Variants in SORCS1 observed in about 807,000 individuals in gnomAD.
SORCS1 encodes the protein VPS10 domain-containing receptor SorCS1.
SORCS1 carries 60 observed loss-of-function variants against 146.1 expected under a neutral mutation model. That is an observed-to-expected ratio of 0.41 (90% CI 0.33 to 0.51). The LOEUF (loss-of-function observed/expected upper bound fraction) is 0.51. SORCS1 is among the 20% of genes least tolerant of loss of function. The pLI is 0.21. For synonymous variants in SORCS1, 637 were observed against 584.0 expected (o/e 1.09, Z -1.31); for missense variants, 1,352 against 1,487.6 (o/e 0.91, Z 1.50).
chr10:107,114,884 TAATA>T (rs1269908686), intron 1 of SORCS1, among the ~76,000 whole-genome samples: 6 of 152,080 alleles, frequency 3.9e-5, no homozygotes, highest in African/African-American at 1.2e-4. Flanking sequence ...CTGTCAGAAC[TAATA>T]AATAAATTCA....
At chr10:106,775,379 T>C (rs1476014092) in intron 4 of SORCS1, among the ~76,000 whole-genome samples, 1 of 151,462 alleles carries the variant, frequency 6.6e-6, no homozygotes, top group East Asian at 2.0e-4. Flanking sequence ...GAAAAAAAAA[T>C]GAATTGTAAA....
rs1363700623 is a variant in SORCS1, at chr10:106,847,542, G to T, written c.627-17869C>A. 4.6e-4 allele frequency among the ~76,000 whole-genome samples: 12 copies of T among 25,904 alleles called. 1 individual carries two copies. Among genetic ancestry groups the T allele is most frequent in the African/African-American group, 1.1e-3 (9 of 7,962 alleles). The allele number at this position is 25,904 out of a possible 152,430, so 17.0% of individuals were successfully genotyped here. ...GATCCTTTCAAAAAACCAGCTCCTG[G>T]ATTCATTGATTTTTTGAAGGGTTTT... is the stretch of plus-strand genomic sequence containing the variant. On this transcript the variant is annotated intron_variant, in intron 2 of 25. Coordinates refer to ENST00000263054, the MANE Select transcript of SORCS1 (RefSeq NM_052918.5).
At chr10:107,058,319 C>T (rs948787072) in intron 1 of SORCS1, among the ~76,000 whole-genome samples, 2 of 151,962 alleles carry the variant, frequency 1.3e-5, no homozygotes, top group Non-Finnish European at 2.9e-5. Flanking sequence ...GGGATTACAG[C>T]CATGAGCCAC....
chr10:107,167,575 G>A (rs966678795), upstream of SORCS1, among the ~76,000 whole-genome samples: 2 of 151,942 alleles, frequency 1.3e-5, no homozygotes, highest in South Asian at 2.1e-4. Flanking sequence ...GCACTGTTCC[G>A]TTCCTTCTCT....
At chr10:107,094,113 T>G (rs530863776) in intron 1 of SORCS1, among the ~76,000 whole-genome samples, 2 of 152,336 alleles carry the variant, frequency 1.3e-5, no homozygotes, top group South Asian at 2.1e-4. Flanking sequence ...ATAATGCCCT[T>G]TATATATTTC....
intron 6 of SORCS1, among the ~76,000 whole-genome samples, chr10:106,722,660 CCT>C (rs1210979106): frequency 6.6e-6 from 1 of 152,070 alleles, no homozygotes; most frequent in African/African-American, 2.4e-5. Flanking sequence ...GTAATTGTCC[CCT>C]GTCCCCTGTT....
chr10:107,036,581 A>C (rs1344407634), intron 1 of SORCS1, among the ~76,000 whole-genome samples: 1 of 152,180 alleles, frequency 6.6e-6, no homozygotes, highest in Non-Finnish European at 1.5e-5. Flanking sequence ...TCATCAAGCT[A>C]TTTGGGTTGA....
intron 1 of SORCS1, among the ~76,000 whole-genome samples, chr10:107,068,184 C>T (rs140157291): frequency 5.8e-4 from 89 of 152,210 alleles, no homozygotes; most frequent in African/African-American, 2.1e-3. Context: ...AATCTGCTTT[C>T]GGGAAGCCTT....
intron 2 of SORCS1, among the ~76,000 whole-genome samples, chr10:106,880,254 C>CA (rs1447914952): frequency 6.6e-6 from 1 of 151,990 alleles, no homozygotes; most frequent in Non-Finnish European, 1.5e-5. Context: ...GTCAAAGGTA[C>CA]AAAAAGAATT....
At chr10:106,831,351 G>A (rs1447485412) in intron 2 of SORCS1, among the ~76,000 whole-genome samples, 2 of 152,140 alleles carry the variant, frequency 1.3e-5, no homozygotes, top group Non-Finnish European at 2.9e-5. Flanking sequence ...AGACAGTGTT[G>A]CTAAGTGTAA....
intron 2 of SORCS1, among the ~76,000 whole-genome samples, chr10:106,919,856 C>T (rs528161303): frequency 6.6e-6 from 1 of 152,080 alleles, no homozygotes; most frequent in African/African-American, 2.4e-5. Context: ...TTTATAGTGC[C>T]CATTCTTAAA....
chr10:107,003,414 T>A (rs1022248388), intron 1 of SORCS1, among the ~76,000 whole-genome samples: 4 of 147,326 alleles, frequency 2.7e-5, no homozygotes, highest in Non-Finnish European at 5.9e-5. Context: ...ATAGAGAGAA[T>A]AATAAATTCC....
At chr10:107,042,384 A>AT (rs1299488944) in intron 1 of SORCS1, among the ~76,000 whole-genome samples, 1 of 152,224 alleles carries the variant, frequency 6.6e-6, no homozygotes, top group Non-Finnish European at 1.5e-5. Flanking sequence ...CATCATCTAG[A>AT]TTTATAAAGA....
intron 1 of SORCS1, among the ~76,000 whole-genome samples, chr10:107,092,322 G>C (rs1964240740): frequency 6.6e-6 from 1 of 152,204 alleles, no homozygotes; most frequent in Non-Finnish European, 1.5e-5. Flanking sequence ...AGCTCTTTCT[G>C]CAGTGAAAAC....
intron 1 of SORCS1, among the ~76,000 whole-genome samples, chr10:107,023,653 G>C (rs913657446): frequency 1.3e-5 from 2 of 152,074 alleles, no homozygotes. Context: ...ACAAGGAGAG[G>C]TCAATTTGTC....
rs549381773 is a variant in SORCS1 at position 106,708,431 on chromosome 10, A to G, written c.1143+792T>C. On this transcript the variant is annotated intron_variant, in intron 7 of 25. Coordinates refer to ENST00000263054, the MANE Select transcript of SORCS1 (RefSeq NM_052918.5). ...TGGGTCTTTATATATATATATGTAT[A>G]CTTTTATATATACGTATAAGCTATT... Among the ~76,000 whole-genome samples, 13 of 152,288 alleles carry G rather than the reference A, an allele frequency of 8.5e-5. No individual in the cohort carries two copies. The South Asian group carries it at 2.5e-3, about 29-fold the overall frequency.
At chr10:107,067,317 C>A (rs1051894175) in intron 1 of SORCS1, among the ~76,000 whole-genome samples, 6 of 147,120 alleles carry the variant, frequency 4.1e-5, no homozygotes, top group Admixed American at 3.4e-4. Flanking sequence ...TTTTTTCCAA[C>A]AGGTTGCTGT....
chr10:107,073,198 G>A (rs1645892581), intron 1 of SORCS1, among the ~76,000 whole-genome samples: 1 of 152,110 alleles, frequency 6.6e-6, no homozygotes. Flanking sequence ...CAGCCAAGGT[G>A]GAAAGACCAT....
At chr10:106,746,822 C>T (rs1305644641) in intron 5 of SORCS1, among the ~76,000 whole-genome samples, 2 of 152,208 alleles carry the variant, frequency 1.3e-5, no homozygotes, top group African/African-American at 2.4e-5. Flanking sequence ...ATGTGGTTGT[C>T]TGCTATGTCT....
Sources: allele counts gnomAD v4.1 joint callset (sites outside exome capture counted in the v4.1 genomes callset), GRCh38; gene constraint gnomAD v4.1.1; transcripts MANE v1.5; gene names NCBI Gene and HGNC (gene_info 2026-07-23, HGNC 2026-07-21).